Variants in RHOBTB3 observed in about 807,000 individuals in gnomAD.
The protein encoded by RHOBTB3 is rho-related BTB domain-containing protein 3.
In RHOBTB3, 47 loss-of-function variants were observed where a neutral mutation model predicts 67.2. The observed-to-expected ratio is 0.70, with a 90% CI of 0.55 to 0.89. The LOEUF (loss-of-function observed/expected upper bound fraction) is 0.89. Ranked by LOEUF, RHOBTB3 falls within the 40% of genes least tolerant of loss-of-function variation. The probability of loss-of-function intolerance (pLI) is 0.00; values close to 1 mark genes in which losing one functional copy is unlikely to be tolerated. For missense variants in RHOBTB3, 631 were observed against 750.0 expected (o/e 0.84, Z 1.85); for synonymous variants, 273 against 274.2 (o/e 1.00, Z 0.04).
At chr5:95,727,251 T>C (rs139115219), upstream of RHOBTB3, among the ~76,000 whole-genome samples, 1 of 152,108 alleles carries the variant, frequency 6.6e-6, no homozygotes, top group Non-Finnish European at 1.5e-5. Context: ...TCAAGCTGAT[T>C]TGAAGATTCT....
At chr5:95,755,101 A>C (rs946742631) in intron 5 of RHOBTB3, among the ~76,000 whole-genome samples, 1 of 152,222 alleles carries the variant, frequency 6.6e-6, no homozygotes, top group African/African-American at 2.4e-5. Flanking sequence ...GTACGTCATT[A>C]GTGGGTTTTT....
At position 95,794,841 on chromosome 5, in the gene RHOBTB3, G is replaced by A. The variant is rs1746526248; in HGVS notation, c.*1667G>A. On this transcript the variant is annotated 3_prime_UTR_variant, in exon 12 of 12. Transcript: ENST00000379982. The stretch of plus-strand genomic sequence containing the variant: ...CATTAGGTCAGGCATGGTGGCTCAG[G>A]CCTGTAATCCCAGCATTTTGGGAGG... The A allele has an allele frequency of 6.6e-6, 1 of 152,088 alleles. No individual in the cohort carries two copies. The highest frequency in any genetic ancestry group is 2.1e-4 in the South Asian group (1 of 4,828). 9.4% of individuals were successfully genotyped at this position (152,088 alleles called of 1,614,324 possible). A position where few individuals can be genotyped will look rare whatever the true frequency, so the allele number is the denominator to read the frequency against.
intron 2 of RHOBTB3, 97 bp downstream of exon 2, chr5:95,732,181 G>A: frequency 1.8e-6 from 2 of 1,124,078 alleles, no homozygotes; most frequent in Non-Finnish European, 2.7e-6. Context: ...AGTGTGGAGT[G>A]TCCGCGTTAC....
At chr5:95,746,338 G>A (rs1051602585) in intron 3 of RHOBTB3, among the ~76,000 whole-genome samples, 6 of 151,996 alleles carry the variant, frequency 3.9e-5, no homozygotes, top group Non-Finnish European at 8.8e-5. Context: ...AGTTTAATAA[G>A]ATGATCTGGC....
chr5:95,719,352 G>C (rs1435960221), intron 1 of RHOBTB3, among the ~76,000 whole-genome samples: 1 of 152,190 alleles, frequency 6.6e-6, no homozygotes, highest in Non-Finnish European at 1.5e-5. Flanking sequence ...TGGAATTCCA[G>C]AAGGTGAACT....
rs112804310 is a variant in RHOBTB3 at position 95,759,389 on chromosome 5, T to G, written c.1048+3628T>G. Reference sequence around the variant, plus strand: ...CTTTAATTATTTACAGATTACAACCTCTGGCTCAAGGAAAAGTTTCATTTA... The same window carrying G: ...CTTTAATTATTTACAGATTACAACCGCTGGCTCAAGGAAAAGTTTCATTTA... On this transcript the variant is annotated intron_variant, in intron 6 of 11. Coordinates refer to ENST00000379982, the MANE Select transcript of RHOBTB3 (RefSeq NM_014899.4). Among the ~76,000 whole-genome samples the G allele has an allele frequency of 4.6e-5, 7 of 152,330 alleles. 1 individual carries two copies. Among genetic ancestry groups the G allele is most frequent in the African/African-American group, 1.7e-4 (7 of 41,578 alleles).
intron 3 of RHOBTB3, among the ~76,000 whole-genome samples, chr5:95,741,102 G>T (rs1421700505): frequency 6.6e-6 from 1 of 152,114 alleles, no homozygotes; most frequent in Non-Finnish European, 1.5e-5. Context: ...GCCGACGCGG[G>T]TGGATCATGA....
At chr5:95,752,928 G>A (rs943417839) in intron 5 of RHOBTB3, among the ~76,000 whole-genome samples, 1 of 152,084 alleles carries the variant, frequency 6.6e-6, no homozygotes, top group Non-Finnish European at 1.5e-5. Flanking sequence ...TCAGGAGATC[G>A]AGACCATCCT....
chr5:95,742,308 A>G (rs1755623658), intron 3 of RHOBTB3, among the ~76,000 whole-genome samples: 2 of 152,192 alleles, frequency 1.3e-5, no homozygotes, highest in South Asian at 4.1e-4. Context: ...TTTTTCTTGT[A>G]AAATCTTTAC....
chr5:95,734,125 T>A (rs1170711562), intron 2 of RHOBTB3, among the ~76,000 whole-genome samples: 2 of 152,206 alleles, frequency 1.3e-5, no homozygotes, highest in East Asian at 3.8e-4. Flanking sequence ...GTGTTACAAC[T>A]TTAGTTATGT....
chr5:95,764,637 G>C (rs561678998), intron 7 of RHOBTB3, among the ~76,000 whole-genome samples: 2 of 152,252 alleles, frequency 1.3e-5, no homozygotes, highest in East Asian at 3.9e-4. Context: ...AGTAAGGTAA[G>C]TTATATGCAA....
chr5:95,752,988 C>T (rs1290967263), intron 5 of RHOBTB3, among the ~76,000 whole-genome samples: 5 of 151,846 alleles, frequency 3.3e-5, no homozygotes, highest in East Asian at 1.9e-4. Flanking sequence ...AAAAATTAGC[C>T]GGGTGAGGTG....
intron 6 of RHOBTB3, among the ~76,000 whole-genome samples, chr5:95,759,944 G>GTT (rs758440525): frequency 7.2e-6 from 1 of 139,318 alleles, no homozygotes; most frequent in African/African-American, 2.6e-5. Flanking sequence ...TCCTGTCCTT[G>GTT]TTTTTTTTTT....
chr5:95,784,350 A>G (rs1746156774), intron 10 of RHOBTB3, among the ~76,000 whole-genome samples: 1 of 152,258 alleles, frequency 6.6e-6, no homozygotes, highest in African/African-American at 2.4e-5. Context: ...GTCCATATAT[A>G]CTGATAGCGA....
chr5:95,731,760 C>T (rs1028212945), intron 1 of RHOBTB3, 76 bp downstream of exon 1: 10 of 1,606,470 alleles, frequency 6.2e-6, no homozygotes, highest in Admixed American at 5.0e-5. Flanking sequence ...GGCTGGTGCC[C>T]ATCCTCGCCG....
chr5:95,775,319 A>G (rs1745837465), intron 8 of RHOBTB3, among the ~76,000 whole-genome samples: 1 of 151,444 alleles, frequency 6.6e-6, no homozygotes, highest in Non-Finnish European at 1.5e-5. Context: ...AGCATTTTGG[A>G]TTTTGGATTT....
At chr5:95,769,719 A>G in intron 8 of RHOBTB3, 1 of 180,212 alleles carries the variant, frequency 5.5e-6, no homozygotes, top group South Asian at 1.3e-4. Context: ...TGCATAACTT[A>G]TTGATACATC....
intron 3 of RHOBTB3, among the ~76,000 whole-genome samples, chr5:95,743,138 G>A (rs1484438492): frequency 6.6e-6 from 1 of 152,156 alleles, no homozygotes. Context: ...TAATAATTCA[G>A]TTTTGATTTT....
At position 95,748,392 on chromosome 5, in the gene RHOBTB3, A is replaced by C. The variant is rs768484335; in HGVS notation, c.475A>C (p.Thr159Pro). 1.9e-5 allele frequency: 31 copies of C among 1,613,578 alleles called. No homozygotes were observed. The highest frequency in any genetic ancestry group is 2.6e-5 in the Non-Finnish European group (31 of 1,179,564). Residue 159 changes from threonine (T) to proline (P), a missense_variant, in exon 4 of 12, where the codon ACT (threonine) becomes CCT (proline). By Grantham distance (38) the Thr-to-Pro change is conservative. Transcript: ENST00000379982. ...AGACAGAGGGAGCTGTGTTAGTACA[A>C]CTGAAGGGATCCAACTTGCAAAAGA... ...TSDRGSCVST[T>P]EGIQLAKELG...
Sources: gnomAD v4.1 joint callset for allele counts (sites outside exome capture counted in the v4.1 genomes callset) on GRCh38, gnomAD v4.1.1 for gene constraint, MANE v1.5 for transcripts, NCBI Gene and HGNC (gene_info 2026-07-23, HGNC 2026-07-21) for gene names.